Variants in SERGEF observed in about 807,000 individuals in gnomAD.
SERGEF encodes secretion regulating guanine nucleotide exchange factor.
Under a neutral mutation model 50.0 loss-of-function variants are expected in SERGEF, and 51 were observed. That is an observed-to-expected ratio of 1.02 (90% confidence interval 0.81 to 1.29). The LOEUF (loss-of-function observed/expected upper bound fraction) is 1.29, where lower values mean the gene tolerates loss of function less well. SERGEF is among the 50% of genes most tolerant of loss of function. SERGEF has a pLI of 0.00. For missense variants in SERGEF, 521 were observed against 557.0 expected (o/e 0.94, Z 0.65); for synonymous variants, 205 against 212.4 (o/e 0.97, Z 0.30).
chr11:17,890,026 CAAAA>C (rs59805347), intron 9 of SERGEF, among the ~76,000 whole-genome samples: 8 of 73,944 alleles, frequency 1.1e-4, no homozygotes, highest in Non-Finnish European at 1.4e-4. Flanking sequence ...ACACTTCAAC[CAAAA>C]AAAAAAAAAA....
At chr11:17,792,046 T>C (rs1039033058) in intron 10 of SERGEF, among the ~76,000 whole-genome samples, 14 of 152,386 alleles carry the variant, frequency 9.2e-5, no homozygotes, top group Admixed American at 8.5e-4. Flanking sequence ...TTTGAATTTT[T>C]AAATCTTCTT....
intron 8 of SERGEF, among the ~76,000 whole-genome samples, chr11:17,988,057 T>C (rs1029146703): frequency 6.6e-6 from 1 of 152,118 alleles, no homozygotes; most frequent in Admixed American, 6.5e-5. Flanking sequence ...CAAGAAAAGA[T>C]GAAGATGCCA....
chr11:17,942,160 AT>A (rs1852574884), intron 9 of SERGEF, among the ~76,000 whole-genome samples: 1 of 152,088 alleles, frequency 6.6e-6, no homozygotes, highest in Non-Finnish European at 1.5e-5. Flanking sequence ...GTCTCTTGAG[AT>A]TTTGATTGGG....
chr11:17,979,472 T>G (rs764790361), intron 8 of SERGEF, among the ~76,000 whole-genome samples: 2 of 152,164 alleles, frequency 1.3e-5, no homozygotes, highest in Non-Finnish European at 2.9e-5. Flanking sequence ...CACCAAATAG[T>G]GGGGAAGACA....
At chr11:18,006,283 C>A (rs1854072119) in intron 3 of SERGEF, among the ~76,000 whole-genome samples, 1 of 152,222 alleles carries the variant, frequency 6.6e-6, no homozygotes, top group African/African-American at 2.4e-5. Context: ...CTCGGCCTCC[C>A]AAATAGCTGG....
At chr11:17,924,307 A>C (rs1301716881) in intron 9 of SERGEF, among the ~76,000 whole-genome samples, 2 of 152,230 alleles carry the variant, frequency 1.3e-5, no homozygotes, top group African/African-American at 4.8e-5. Flanking sequence ...TTCACAGAGG[A>C]GGTAACACTT....
At chr11:17,957,226 T>A (rs1033865782) in intron 9 of SERGEF, among the ~76,000 whole-genome samples, 1 of 152,184 alleles carries the variant, frequency 6.6e-6, no homozygotes, top group African/African-American at 2.4e-5. Context: ...TTTGCACTGG[T>A]CATGTCTGTC....
intron 5 of SERGEF, among the ~76,000 whole-genome samples, chr11:17,997,531 C>A (rs1405550171): frequency 6.6e-6 from 1 of 152,172 alleles, no homozygotes; most frequent in Non-Finnish European, 1.5e-5. Flanking sequence ...TCTGGGTACA[C>A]ATCCAAAAGA....
intron 4 of SERGEF, chr11:18,001,803 T>C (rs1853967207): frequency 4.2e-6 from 1 of 237,074 alleles, no homozygotes. Flanking sequence ...AAATATGCTC[T>C]AGTTGTTCAA....
In SERGEF at chr11:17,808,932, G is replaced by C. The variant is rs1428739585; in HGVS notation, c.1049-20519C>G. 4.6e-5 allele frequency among the ~76,000 whole-genome samples: 7 copies of C among 152,216 alleles called. No individual in the cohort carries two copies. In the East Asian group the frequency reaches 1.3e-3, roughly 29 times the overall value. On this transcript the variant is annotated intron_variant, in intron 10 of 10. Coordinates refer to ENST00000265965, the MANE Select transcript of SERGEF (RefSeq NM_012139.4). ...TCTCCAAAGGAATATATAGGTATTG[G>C]GGTTTGGCTGGACAAGTCCTGACAA...
chr11:17,988,645 T>C lies in SERGEF; in HGVS notation c.796A>G (p.Lys266Glu). 1 of 1,614,162 alleles carries C rather than the reference T, an allele frequency of 6.2e-7. No homozygotes were observed. Among genetic ancestry groups the C allele is most frequent in the Non-Finnish European group, 8.5e-7 (1 of 1,180,038 alleles). The change falls in exon 8 of 11, where the codon AAG becomes GAG. Residue 266 changes from lysine (K) to glutamate (E), a missense_variant. Lys to Glu is a moderately conservative substitution (Grantham distance 56). Transcript: ENST00000265965. ...CATCCACTCCAGATGGCAGTGACCT[T>C]TTCATTCTGGAAACAATGTGCTTCT... Reference protein sequence around the residue: ...KIEAHCFQNEKVTAIWSGWTH... With the variant: ...KIEAHCFQNEEVTAIWSGWTH...
At chr11:17,931,184 A>C (rs1050664894) in intron 9 of SERGEF, among the ~76,000 whole-genome samples, 1 of 152,188 alleles carries the variant, frequency 6.6e-6, no homozygotes, top group Non-Finnish European at 1.5e-5. Flanking sequence ...AGAAAGACTA[A>C]TCAATATAAC....
chr11:17,824,821 T>C (rs1034574647), intron 10 of SERGEF, among the ~76,000 whole-genome samples: 2 of 152,208 alleles, frequency 1.3e-5, no homozygotes, highest in African/African-American at 4.8e-5. Flanking sequence ...CCTCCTTAAA[T>C]ACCTTATCTC....
At chr11:17,848,932 C>T (rs546896142) in intron 10 of SERGEF, among the ~76,000 whole-genome samples, 5 of 152,276 alleles carry the variant, frequency 3.3e-5, no homozygotes, top group South Asian at 2.1e-4. Flanking sequence ...ATTATACAGT[C>T]GAATGGGGCG....
At chr11:17,985,505 T>TA (rs1452002935) in intron 8 of SERGEF, among the ~76,000 whole-genome samples, 1 of 152,096 alleles carries the variant, frequency 6.6e-6, no homozygotes, top group African/African-American at 2.4e-5. Flanking sequence ...TGAGCCTGGA[T>TA]AAAGTCACCC....
chr11:17,801,675 T>G (rs964295311), intron 10 of SERGEF, among the ~76,000 whole-genome samples: 1 of 152,142 alleles, frequency 6.6e-6, no homozygotes, highest in Admixed American at 6.5e-5. Context: ...TAAGTGCCTA[T>G]TAGACATGAA....
At chr11:17,953,739 C>T (rs547627427) in intron 9 of SERGEF, among the ~76,000 whole-genome samples, 1 of 152,176 alleles carries the variant, frequency 6.6e-6, no homozygotes, top group Non-Finnish European at 1.5e-5. Context: ...ACAGAGAAGG[C>T]CCTTGCTCTC....
intron 9 of SERGEF, among the ~76,000 whole-genome samples, chr11:17,924,978 G>T (rs1341436789): frequency 6.6e-6 from 1 of 152,104 alleles, no homozygotes; most frequent in African/African-American, 2.4e-5. Flanking sequence ...AAACAGGCCT[G>T]GGATCCCGGC....
chr11:17,849,930 A>G lies in SERGEF; in HGVS notation c.1048+28278T>C, dbSNP rs141318702. ...TCTATCTCTGTTACTTTCAAGATAC[A>G]TGATCTTCTCCTGGTCTTTTTTTCT... On this transcript the variant is annotated intron_variant, in intron 10 of 10. Coordinates refer to ENST00000265965, the MANE Select transcript of SERGEF (RefSeq NM_012139.4). Among the ~76,000 whole-genome samples, 291 of 152,306 alleles carry G rather than the reference A, an allele frequency of 1.9e-3. 4 individuals carry two copies. The highest frequency in any genetic ancestry group is 6.8e-3 in the Middle Eastern group (2 of 294).
Sources: allele counts gnomAD v4.1 joint callset (sites outside exome capture counted in the v4.1 genomes callset), GRCh38; gene constraint gnomAD v4.1.1; transcripts MANE v1.5; gene names NCBI Gene and HGNC (gene_info 2026-07-23, HGNC 2026-07-21).